DNAH6: variants seen among roughly 807,000 people sequenced by gnomAD.
DNAH6 encodes dynein axonemal heavy chain 6.
A neutral mutation model predicts 491.4 loss-of-function variants in DNAH6; 340 were observed. That is an observed-to-expected ratio of 0.69 (90% CI 0.63 to 0.76). The LOEUF (loss-of-function observed/expected upper bound fraction) is 0.76, where lower values mean the gene tolerates loss of function less well. DNAH6 is among the 30% of genes least tolerant of loss of function. The pLI, the probability that DNAH6 is intolerant of heterozygous loss-of-function variation, is 0.00. For missense variants in DNAH6, 4,443 were observed against 4,972.2 expected (o/e 0.89, Z 3.20); for synonymous variants, 1,603 against 1,686.1 (o/e 0.95, Z 1.21).
rs533314253 is a variant in DNAH6, at chr2:84,667,019, G to T, written c.6085-2270G>T. 4.6e-5 allele frequency among the ~76,000 whole-genome samples: 7 copies of T among 152,296 alleles called. No homozygotes were observed. In the South Asian group the frequency reaches 1.0e-3, roughly 23 times the overall value. On this transcript the variant is annotated intron_variant, in intron 37 of 76. Coordinates refer to ENST00000389394, the MANE Select transcript of DNAH6 (RefSeq NM_001370.2). ...GGAAACAATTCCCTATTTAATAAAT[G>T]GTGCTGGGAAAACTGGCTAGCCATA...
At chr2:84,633,725 T>C (rs1688612374) in intron 29 of DNAH6, among the ~76,000 whole-genome samples, 1 of 151,800 alleles carries the variant, frequency 6.6e-6, no homozygotes, top group Admixed American at 6.6e-5. Flanking sequence ...TTCTTCCTGC[T>C]GGCTTCCCTT....
intron 68 of DNAH6, among the ~76,000 whole-genome samples, chr2:84,788,959 G>A (rs570514369): frequency 2.0e-5 from 3 of 152,156 alleles, no homozygotes; most frequent in Non-Finnish European, 4.4e-5. Context: ...AGAAGGATAA[G>A]ACATCAATTT....
intron 23 of DNAH6, 143 bp downstream of exon 23, chr2:84,617,125 C>A (rs190650754): frequency 2.8e-5 from 15 of 536,164 alleles, no homozygotes; most frequent in Non-Finnish European, 3.0e-5. Flanking sequence ...AACTAGTTAT[C>A]GTAATTGAGG....
In DNAH6 at chr2:84,654,672, C is replaced by T. The variant is rs891279528; in HGVS notation, c.5647C>T (p.Arg1883Trp). The change falls in exon 35 of 77, where the codon CGG becomes TGG. Residue 1883 changes from arginine (R) to tryptophan (W), a missense_variant. This residue lies in a region of DNAH6 where 2,977 missense variants were observed against 3,296.6 expected (regional missense o/e 0.90). Coordinates refer to ENST00000389394, the MANE Select transcript of DNAH6 (RefSeq NM_001370.2). ...IHMLFEVQDLRVASPATVSRC... is the reference protein window; with the variant it reads ...IHMLFEVQDLWVASPATVSRC... The stretch of plus-strand genomic sequence containing the variant: ...TCTTCAACTTTAGGTGCAAGATCTG[C>T]GGGTTGCCTCCCCTGCAACAGTCAG... 21 of 1,550,528 alleles carry T rather than the reference C, an allele frequency of 1.4e-5. No individual in the cohort carries two copies. Among genetic ancestry groups the T allele is most frequent in the Admixed American group, 5.9e-5 (3 of 50,918 alleles).
intron 45 of DNAH6, among the ~76,000 whole-genome samples, chr2:84,689,647 C>G (rs1257794499): frequency 1.3e-5 from 2 of 152,196 alleles, no homozygotes; most frequent in African/African-American, 4.8e-5. Context: ...CTCTTCTAGT[C>G]AGTGCAGTCA....
chr2:84,761,031 A>C (rs914273105), intron 63 of DNAH6, among the ~76,000 whole-genome samples: 1 of 152,216 alleles, frequency 6.6e-6, no homozygotes, highest in Non-Finnish European at 1.5e-5. Flanking sequence ...TGTTTATCAC[A>C]ACACTGTTCA....
chr2:84,672,564 A>G (rs1692838484), intron 40 of DNAH6, 80 bp downstream of exon 40: 7 of 1,300,358 alleles, frequency 5.4e-6, no homozygotes, highest in Admixed American at 4.9e-5. Flanking sequence ...TGAGACTACC[A>G]TAACAAAGTA....
intron 64 of DNAH6, among the ~76,000 whole-genome samples, chr2:84,776,191 A>G (rs1676103473): frequency 6.6e-6 from 1 of 152,216 alleles, no homozygotes; most frequent in Non-Finnish European, 1.5e-5. Flanking sequence ...ACTGATTGGG[A>G]AAGAATGTTG....
intron 49 of DNAH6, among the ~76,000 whole-genome samples, chr2:84,702,116 C>T (rs1695967187): frequency 6.6e-6 from 1 of 152,162 alleles, no homozygotes; most frequent in African/African-American, 2.4e-5. Flanking sequence ...TTTTAAAGAA[C>T]ATGTGCCAGT....
intron 37 of DNAH6, among the ~76,000 whole-genome samples, chr2:84,661,585 AAT>A (rs1196109827): frequency 6.6e-6 from 1 of 152,206 alleles, no homozygotes; most frequent in Non-Finnish European, 1.5e-5. Context: ...GAATAAAAGT[AAT>A]GAATGATGTG....
At chr2:84,588,741 T>A (rs574468604) in intron 15 of DNAH6, 85 bp from the exon 16 acceptor site, 3 of 1,192,274 alleles carry the variant, frequency 2.5e-6, no homozygotes, top group Non-Finnish European at 3.4e-6. Context: ...GGAATCTTTT[T>A]AAAAATGTTT....
chr2:84,474,387 T>G, the DNAH6 span, among the ~76,000 whole-genome samples: 2 of 152,128 alleles, frequency 1.3e-5, no homozygotes, highest in Non-Finnish European at 1.5e-5. Flanking sequence ...CAAACCGGTT[T>G]GGCAGTTAGC....
chr2:84,487,512 A>T, the DNAH6 span, among the ~76,000 whole-genome samples: 6 of 152,308 alleles, frequency 3.9e-5, no homozygotes, highest in African/African-American at 1.4e-4. Flanking sequence ...ATCCCTGGCT[A>T]ACAAAAAGTA....
chr2:84,752,659 T>G (rs116675901), intron 63 of DNAH6, among the ~76,000 whole-genome samples: 1,675 of 152,142 alleles, frequency 0.011, 19 homozygotes, highest in Non-Finnish European at 0.013. Flanking sequence ...TCTACAGATT[T>G]GCCTATTCTG....
chr2:84,817,354 A>G lies in DNAH6; in HGVS notation c.12373+1271A>G, dbSNP rs117452356. The stretch of plus-strand genomic sequence containing the variant: ...CACCTTCAAAGGGTTGAGGGAAAAT[A>G]CCTTTGAACCAGAATTCAAAACACA... On this transcript the variant is annotated intron_variant, in intron 76 of 76. Coordinates refer to ENST00000389394, the MANE Select transcript of DNAH6 (RefSeq NM_001370.2). 2.3e-4 allele frequency among the ~76,000 whole-genome samples: 35 copies of G among 152,370 alleles called. No individual in the cohort carries two copies. In the East Asian group the frequency reaches 6.4e-3, roughly 28 times the overall value.
intron 33 of DNAH6, among the ~76,000 whole-genome samples, chr2:84,648,302 AAC>A (rs1050104152): frequency 6.6e-6 from 1 of 152,234 alleles, no homozygotes; most frequent in African/African-American, 2.4e-5. Context: ...CATGTCTGCT[AAC>A]ACAACATCCA....
At chr2:84,716,253 A>G (rs1475586188) in intron 58 of DNAH6, among the ~76,000 whole-genome samples, 1 of 151,030 alleles carries the variant, frequency 6.6e-6, no homozygotes, top group Non-Finnish European at 1.5e-5. Flanking sequence ...GTTAATATTA[A>G]TCATCAGAAT....
chr2:84,630,036 G>A (rs10172566), intron 29 of DNAH6, among the ~76,000 whole-genome samples: 21,012 of 152,028 alleles, frequency 0.14, 2,247 homozygotes, highest in African/African-American at 0.3. Flanking sequence ...TACCTTAGAG[G>A]TTTCCAGGGA....
At chr2:84,702,781 C>T (rs1269687708) in intron 49 of DNAH6, among the ~76,000 whole-genome samples, 1 of 152,064 alleles carries the variant, frequency 6.6e-6, no homozygotes, top group African/African-American at 2.4e-5. Context: ...CGTGATCCGC[C>T]CACCTCAGCC....
Sources: allele counts gnomAD v4.1 joint callset (sites outside exome capture counted in the v4.1 genomes callset), GRCh38; gene constraint gnomAD v4.1.1; regional missense constraint gnomAD v4.1.1; transcripts MANE v1.5; gene names NCBI Gene and HGNC (gene_info 2026-07-23, HGNC 2026-07-21).